The following IPO5 variants were observed in gnomAD, a reference collection of about 807,000 sequenced individuals.
IPO5 encodes the protein importin 5.
IPO5 carries 18 observed loss-of-function variants against 143.3 expected under a neutral mutation model. That is an observed-to-expected ratio of 0.13 (90% CI 0.09 to 0.19). The LOEUF is 0.19. IPO5 is among the 10% of genes least tolerant of loss of function. The pLI, the probability that IPO5 is intolerant of heterozygous loss-of-function variation, is 1.00. For synonymous variants in IPO5, 477 were observed against 465.7 expected (o/e 1.02, Z -0.31); for missense variants, 1,013 against 1,336.9 (o/e 0.76, Z 3.78).
intron 27 of IPO5, 89 bp downstream of exon 27, chr13:98,019,898 C>A: frequency 1.2e-6 from 1 of 806,098 alleles, no homozygotes; most frequent in Non-Finnish European, 2.1e-6. Flanking sequence ...AAGGTTTAAC[C>A]ACATGATCTC....
chr13:98,005,365 TTTTATTTATTTATTTATTTA>T (rs57168569), intron 16 of IPO5, among the ~76,000 whole-genome samples: 19 of 142,166 alleles, frequency 1.3e-4, no homozygotes, highest in Middle Eastern at 3.6e-3. Context: ...CCTGGCTAAT[TTTTATTTATTTATTTATTTA>T]TTTATTTATT....
rs570870404 is a variant in IPO5, at chr13:98,023,200, A to G, written c.*1378A>G. The G allele has an allele frequency of 1.3e-5, 2 of 152,644 alleles. No individual in the cohort carries two copies. Among genetic ancestry groups the G allele is most frequent in the African/African-American group, 4.8e-5 (2 of 41,576 alleles). 9.5% of individuals were successfully genotyped at this position (152,644 alleles called of 1,614,324 possible). On this transcript the variant is annotated 3_prime_UTR_variant, in exon 29 of 29. Coordinates refer to ENST00000651721, the MANE Select transcript of IPO5 (RefSeq NM_002271.6). ...ATATATTTTACGTTTGCAGCACAAC[A>G]CCATTGCCCGGAGGCTTCCGAATCT...
intron 21 of IPO5, among the ~76,000 whole-genome samples, chr13:98,013,082 G>T (rs1410569200): frequency 6.6e-6 from 1 of 151,446 alleles, no homozygotes; most frequent in Non-Finnish European, 1.5e-5. Context: ...TTTGACACAG[G>T]GTCTCACTCT....
Position 98,022,239 on chromosome 13 carries a change from T to C in IPO5, c.*417T>C, listed in dbSNP as rs1321909724. On this transcript the variant is annotated 3_prime_UTR_variant, in exon 29 of 29. Transcript: ENST00000651721. The stretch of plus-strand genomic sequence containing the variant: ...ATTGTGAATTGGGAGTGTGAGTCTT[T>C]CTGTAGGGTAGAAAGAAGCCTCCTA... The C allele has an allele frequency of 6.5e-6, 1 of 153,402 alleles. No individual in the cohort carries two copies. Among genetic ancestry groups the C allele is most frequent in the Non-Finnish European group, 1.5e-5 (1 of 68,892 alleles). The allele number at this position is 153,402 out of a possible 1,614,324, so 9.5% of individuals were successfully genotyped here. A position where few individuals can be genotyped will look rare whatever the true frequency, so the allele number is the denominator to read the frequency against.
intron 5 of IPO5, among the ~76,000 whole-genome samples, chr13:97,983,965 CTTTTTTTT>C (rs71117684): frequency 2.8e-4 from 13 of 45,824 alleles, no homozygotes; most frequent in South Asian, 8.9e-4. Flanking sequence ...AGGGTAACTT[CTTTTTTTT>C]TTTTTTTTTT....
intron 21 of IPO5, among the ~76,000 whole-genome samples, chr13:98,012,902 C>G (rs1337202851): frequency 1.3e-5 from 2 of 151,210 alleles, no homozygotes; most frequent in Non-Finnish European, 2.9e-5. Flanking sequence ...TGCCTTGGCC[C>G]CACAAAGTTA....
intron 4 of IPO5, chr13:97,981,978 G>A (rs1886886015): frequency 6.5e-6 from 1 of 153,602 alleles, no homozygotes. Context: ...ATGTAGTAAG[G>A]TTTTAGTATG....
chr13:98,000,482 T>C (rs1225278725), intron 12 of IPO5, 57 bp from the exon 13 acceptor site: 1 of 1,049,948 alleles, frequency 9.5e-7, no homozygotes, highest in African/African-American at 1.6e-5. Context: ...CTGTAGAGTA[T>C]ACTATTTCTT....
intron 5 of IPO5, among the ~76,000 whole-genome samples, chr13:97,984,872 C>T (rs1378847022): frequency 6.6e-6 from 1 of 152,082 alleles, no homozygotes. Context: ...AACTTAATTA[C>T]ACAGATTTGA....
At chr13:98,019,351 C>G (rs879408918) in intron 26 of IPO5, among the ~76,000 whole-genome samples, 2 of 152,164 alleles carry the variant, frequency 1.3e-5, no homozygotes, top group Middle Eastern at 3.2e-3. Flanking sequence ...CTGGAGGCCA[C>G]TAATCTCTCT....
intron 3 of IPO5, among the ~76,000 whole-genome samples, chr13:97,974,306 ATTC>A (rs1886075760): frequency 6.6e-6 from 1 of 150,896 alleles, no homozygotes; most frequent in Non-Finnish European, 1.5e-5. Flanking sequence ...TTTGTCTGAA[ATTC>A]TTTTTTTTTT....
chr13:97,965,755 TTGTGTGTG>T (rs35443379), intron 2 of IPO5, among the ~76,000 whole-genome samples: 25 of 146,774 alleles, frequency 1.7e-4, no homozygotes, highest in African/African-American at 3.3e-4. Context: ...TTCTAATAGT[TTGTGTGTG>T]TGTGTGTGTG....
chr13:97,970,965 C>T (rs994326412), intron 3 of IPO5, among the ~76,000 whole-genome samples: 1 of 152,186 alleles, frequency 6.6e-6, no homozygotes, highest in Non-Finnish European at 1.5e-5. Context: ...CCCGGCACTA[C>T]TGCCAGGTAT....
At chr13:97,980,659 C>T (rs1310754885) in intron 4 of IPO5, among the ~76,000 whole-genome samples, 2 of 151,642 alleles carry the variant, frequency 1.3e-5, no homozygotes, top group African/African-American at 4.8e-5. Context: ...GAAATCCCAT[C>T]TCTACTAAAA....
chr13:98,021,555 C>A, intron 28 of IPO5, 181 bp from the exon 29 acceptor site: 1 of 419,408 alleles, frequency 2.4e-6, no homozygotes, highest in East Asian at 3.3e-5. Context: ...AGAAAACTTA[C>A]TGGAAATGAA....
chr13:97,969,171 A>ATTTTT (rs1566454683), intron 2 of IPO5, among the ~76,000 whole-genome samples: 34 of 71,214 alleles, frequency 4.8e-4, no homozygotes, highest in African/African-American at 2.2e-3. Context: ...ATATATATAT[A>ATTTTT]TATATTTTTT....
chr13:98,019,025 G>A (rs545914754), intron 26 of IPO5, among the ~76,000 whole-genome samples: 8 of 151,382 alleles, frequency 5.3e-5, no homozygotes, highest in South Asian at 2.1e-4. Flanking sequence ...GCATGATCTC[G>A]GCTCACTGCA....
chr13:97,969,307 G>A (rs973767680), intron 2 of IPO5, among the ~76,000 whole-genome samples: 1 of 149,338 alleles, frequency 6.7e-6, no homozygotes, highest in Non-Finnish European at 1.5e-5. Context: ...TCAGCCTCCC[G>A]AGTAGCTGGG....
In IPO5 at chr13:98,020,761, ATTAT is replaced by A. The variant is rs1187154667; in HGVS notation, c.3066-226_3066-223del. ...AAACATTTTTTTTAACACATCACAA[ATTAT>A]TTATAAGGTATTTAGAGCATTCTGT... is the stretch of plus-strand genomic sequence containing the variant. On this transcript the variant is annotated intron_variant, in intron 27 of 28. Transcript: ENST00000651721. Among the ~76,000 whole-genome samples the A allele has an allele frequency of 1.3e-4, 20 of 152,300 alleles. No homozygotes were observed. In the East Asian group the frequency reaches 3.5e-3, roughly 26 times the overall value.
Sources: gnomAD v4.1 joint callset for allele counts (sites outside exome capture counted in the v4.1 genomes callset) on GRCh38, gnomAD v4.1.1 for gene constraint, MANE v1.5 for transcripts, NCBI Gene and HGNC (gene_info 2026-07-23, HGNC 2026-07-21) for gene names.